The following AP3S2 variants were observed in gnomAD, a reference collection of about 807,000 sequenced individuals.
AP3S2 encodes AP-3 complex subunit sigma-2.
AP3S2 carries 22 observed loss-of-function variants against 23.4 expected under a neutral mutation model. The ratio of observed to expected loss-of-function variants is 0.94; its 90% confidence interval spans 0.67 to 1.34. AP3S2 has a LOEUF of 1.34. Among genes scored for constraint, AP3S2 ranks in the 40% most tolerant of loss-of-function variants. AP3S2 has a pLI of 0.00. For missense variants in AP3S2, 241 were observed against 236.9 expected (o/e 1.02, Z -0.11); for synonymous variants, 86 against 87.1 (o/e 0.99, Z 0.07).
chr15:89,853,176 G>A (rs1397728414), intron 4 of AP3S2, among the ~76,000 whole-genome samples: 1 of 152,182 alleles, frequency 6.6e-6, no homozygotes, highest in Non-Finnish European at 1.5e-5. Flanking sequence ...CAGCAAGGGA[G>A]TTAGTAAAAA....
intron 3 of AP3S2, among the ~76,000 whole-genome samples, chr15:89,881,800 C>T (rs1896574758): frequency 6.6e-6 from 1 of 151,882 alleles, no homozygotes; most frequent in South Asian, 2.1e-4. Flanking sequence ...GTACTAGAGG[C>T]ATTATAAATT....
intron 3 of AP3S2, among the ~76,000 whole-genome samples, chr15:89,875,169 G>A (rs369246007): frequency 1.3e-5 from 2 of 152,208 alleles, no homozygotes; most frequent in Admixed American, 1.3e-4. Context: ...CCCCCTAGCG[G>A]CCTGAGCTCT....
chr15:89,853,315 T>C (rs1485300376), intron 4 of AP3S2, among the ~76,000 whole-genome samples: 6 of 152,198 alleles, frequency 3.9e-5, no homozygotes, highest in African/African-American at 1.2e-4. Flanking sequence ...AACTAAGCAA[T>C]TATTCACTAA....
chr15:89,892,374 T>C (rs1158738756), intron 1 of AP3S2, among the ~76,000 whole-genome samples: 3 of 152,102 alleles, frequency 2.0e-5, no homozygotes, highest in African/African-American at 7.2e-5. Context: ...TTGTCCCCTT[T>C]AAATAAGTAA....
chr15:89,864,509 G>T (rs1005295254), intron 4 of AP3S2, among the ~76,000 whole-genome samples: 2 of 152,054 alleles, frequency 1.3e-5, no homozygotes, highest in Non-Finnish European at 2.9e-5. Context: ...TTGAAACCAG[G>T]AATCAGAGCA....
intron 3 of AP3S2, among the ~76,000 whole-genome samples, chr15:89,879,060 G>T (rs541762816): frequency 6.6e-6 from 1 of 152,100 alleles, no homozygotes; most frequent in Non-Finnish European, 1.5e-5. Flanking sequence ...TAATTTTTTC[G>T]TAGAGACAAA....
At chr15:89,849,467 A>G (rs370555991) in intron 4 of AP3S2, among the ~76,000 whole-genome samples, 1 of 151,988 alleles carries the variant, frequency 6.6e-6, no homozygotes, top group Admixed American at 6.6e-5. Flanking sequence ...CCCAGGTCCA[A>G]GTGATTCTCT....
At chr15:89,851,399 T>G (rs4932253) in intron 4 of AP3S2, among the ~76,000 whole-genome samples, 68,952 of 151,676 alleles carry the variant, frequency 0.45, 15,915 homozygotes, top group East Asian at 0.63. Flanking sequence ...AGTGCAGTGG[T>G]GCGATCTCAG....
chr15:89,848,138 T>C (rs1220159673), intron 4 of AP3S2, among the ~76,000 whole-genome samples: 3 of 152,228 alleles, frequency 2.0e-5, no homozygotes, highest in Admixed American at 1.3e-4. Context: ...CAAATGCCTG[T>C]TGTGCTACAA....
chr15:89,845,717 G>A (rs1301045632), intron 4 of AP3S2: 1 of 152,180 alleles, frequency 6.6e-6, no homozygotes, highest in Non-Finnish European at 1.5e-5. Flanking sequence ...AAGAAAATCT[G>A]AGACGTGAGT....
At chr15:89,839,398 C>A (rs1037220828) in intron 4 of AP3S2, among the ~76,000 whole-genome samples, 1 of 152,206 alleles carries the variant, frequency 6.6e-6, no homozygotes, top group Non-Finnish European at 1.5e-5. Context: ...CACACACGCA[C>A]ACACACACTC....
At chr15:89,870,236 A>ATGTT (rs1896286820) in intron 4 of AP3S2, among the ~76,000 whole-genome samples, 2 of 152,172 alleles carry the variant, frequency 1.3e-5, no homozygotes, top group South Asian at 4.1e-4. Context: ...TATGAAAAGT[A>ATGTT]CAAAACAACT....
In AP3S2 at chr15:89,851,662, G is replaced by T. The variant is rs538811613; in HGVS notation, c.346-13940C>A. Among the ~76,000 whole-genome samples, 8 of 152,106 alleles carry T rather than the reference G, an allele frequency of 5.3e-5. No individual in the cohort carries two copies. The South Asian group carries it at 1.7e-3, about 32-fold the overall frequency. The stretch of plus-strand genomic sequence containing the variant: ...CAACTTCTTTTTTAATTAATAAAAG[G>T]ATCACTCACTCACTGGCTTCATATT... On this transcript the variant is annotated intron_variant, in intron 4 of 5. Transcript: ENST00000336418.
intron 3 of AP3S2, among the ~76,000 whole-genome samples, chr15:89,872,755 G>A (rs1896350812): frequency 6.6e-6 from 1 of 152,168 alleles, no homozygotes; most frequent in Admixed American, 6.5e-5. Flanking sequence ...GCACACTATT[G>A]GAGCTGATCC....
chr15:89,866,315 C>A (rs1174984485), intron 4 of AP3S2, among the ~76,000 whole-genome samples: 2 of 146,818 alleles, frequency 1.4e-5, no homozygotes, highest in African/African-American at 5.1e-5. Flanking sequence ...GTTGCCTAGA[C>A]AATGAACTAG....
chr15:89,839,684 G>A (rs1235564466), intron 4 of AP3S2, among the ~76,000 whole-genome samples: 1 of 152,116 alleles, frequency 6.6e-6, no homozygotes, highest in Non-Finnish European at 1.5e-5. Context: ...AGAACTGAAA[G>A]TAAAGACTTG....
chr15:89,865,453 T>A (rs1347201154), intron 4 of AP3S2: 1 of 152,218 alleles, frequency 6.6e-6, no homozygotes, highest in Non-Finnish European at 1.5e-5. Flanking sequence ...ACACTGAGAA[T>A]ATAAACCTTT....
In AP3S2 at chr15:89,830,700, G is replaced by C. The variant is rs1226688809; in HGVS notation, c.*4815C>G. 1 of 152,300 alleles carries C rather than the reference G, an allele frequency of 6.6e-6. No homozygotes were observed. Among genetic ancestry groups the C allele is most frequent in the Non-Finnish European group, 1.5e-5 (1 of 68,102 alleles). 9.4% of individuals were successfully genotyped at this position (152,300 alleles called of 1,614,324 possible). A position where few individuals can be genotyped will look rare whatever the true frequency, so the allele number is the denominator to read the frequency against. ...ACGAGACAAGCCCCTGCCCTGGAGG[G>C]GCTTACATCCCGGCAGGGTAAACAG... On this transcript the variant is annotated 3_prime_UTR_variant, in exon 6 of 6. Transcript: ENST00000336418.
At chr15:89,889,732 C>T (rs533152990) in intron 1 of AP3S2, among the ~76,000 whole-genome samples, 5 of 151,744 alleles carry the variant, frequency 3.3e-5, no homozygotes, top group Admixed American at 6.6e-5. Context: ...GGCGTGGTGG[C>T]GCATGCCTGT....
Sources: allele counts gnomAD v4.1 joint callset (sites outside exome capture counted in the v4.1 genomes callset), GRCh38; gene constraint gnomAD v4.1.1; transcripts MANE v1.5; gene names NCBI Gene and HGNC (gene_info 2026-07-23, HGNC 2026-07-21).